The following RSPH10B2 variants were observed in gnomAD, a reference collection of about 807,000 sequenced individuals.
RSPH10B2 encodes radial spoke head 10 homolog B2 (Chlamydomonas).
RSPH10B2 carries 9 observed loss-of-function variants against 49.0 expected under a neutral mutation model. That is an observed-to-expected ratio of 0.18 (90% CI 0.11 to 0.32). The LOEUF (loss-of-function observed/expected upper bound fraction) is 0.32. Ranked by LOEUF, RSPH10B2 falls within the 10% of genes least tolerant of loss-of-function variation. RSPH10B2 has a pLI of 1.00. For synonymous variants in RSPH10B2, 35 were observed against 210.2 expected (o/e 0.17, Z 7.21); for missense variants, 95 against 589.9 (o/e 0.16, Z 8.69).
intron 17 of RSPH10B2, among the ~76,000 whole-genome samples, chr7:6,793,620 C>T (rs1782434129): frequency 7.6e-6 from 1 of 131,312 alleles, no homozygotes; most frequent in Non-Finnish European, 1.6e-5. Flanking sequence ...CCGAGGCAGG[C>T]AGATCACAAG....
At chr7:6,782,142 A>G (rs1781962358) in intron 13 of RSPH10B2, among the ~76,000 whole-genome samples, 1 of 123,460 alleles carries the variant, frequency 8.1e-6, no homozygotes, top group Non-Finnish European at 1.7e-5. Context: ...TTGACCTCCC[A>G]ACCCCAGGTG....
chr7:6,756,070 C>G (rs1425143608), upstream of RSPH10B2, among the ~76,000 whole-genome samples: 82 of 150,460 alleles, frequency 5.4e-4, 2 homozygotes, highest in Non-Finnish European at 8.0e-4. Flanking sequence ...AGATCGAGAC[C>G]ATCCTGGCTA....
exon 18 of RSPH10B2, chr7:6,796,593 T>G: frequency 8.3e-7 from 1 of 1,208,374 alleles, no homozygotes; most frequent in Non-Finnish European, 1.1e-6. Flanking sequence ...CCAAGGATGA[T>G]CGAGAGGAAG....
chr7:6,767,220 G>A (rs1309428798), intron 6 of RSPH10B2, among the ~76,000 whole-genome samples: 5 of 14,272 alleles, frequency 3.5e-4, no homozygotes, highest in Non-Finnish European at 7.2e-4. Flanking sequence ...AGTGATCCGC[G>A]CGCCTCAGCC....
intron 7 of RSPH10B2, among the ~76,000 whole-genome samples, chr7:6,769,701 G>A (rs1307799110): frequency 8.6e-6 from 1 of 116,266 alleles, no homozygotes; most frequent in Non-Finnish European, 1.8e-5. Flanking sequence ...TGATTCTTGT[G>A]CCTCAGCCAC....
At chr7:6,781,268 C>T in intron 12 of RSPH10B2, 60 bp from the exon 15 acceptor site, 1 of 1,301,900 alleles carries the variant, frequency 7.7e-7, no homozygotes, top group Non-Finnish European at 1.0e-6. Context: ...ATTATATTTA[C>T]TGCTATTTTT....
intron 10 of RSPH10B2, among the ~76,000 whole-genome samples, chr7:6,776,873 T>TCA (rs746541740): frequency 0.088 from 9,719 of 110,292 alleles, 261 homozygotes; most frequent in African/African-American, 0.11. Context: ...CGAGACTCCA[T>TCA]CACACACACA....
At chr7:6,761,520 C>CA (rs1378803042) in intron 3 of RSPH10B2, 1 of 146,174 alleles carries the variant, frequency 6.8e-6, no homozygotes, top group Non-Finnish European at 1.5e-5. Flanking sequence ...GCTCCCTTCC[C>CA]ACGCGACATC....
At chr7:6,786,293 CTGCCTCAGCCTCCCGAGTAGCTG>C (rs1408591296) in intron 14 of RSPH10B2, among the ~76,000 whole-genome samples, 2 of 98,264 alleles carry the variant, frequency 2.0e-5, no homozygotes, top group African/African-American at 8.8e-5. Context: ...CGCCATTCTC[CTGCCTCAGCCTCCCGAGTAGCTG>C]AGACTACAGG....
chr7:6,796,027 A>G (rs1362542460), intron 17 of RSPH10B2, among the ~76,000 whole-genome samples: 1 of 145,084 alleles, frequency 6.9e-6, no homozygotes, highest in African/African-American at 2.5e-5. Context: ...TAAGATAGAA[A>G]AAAAAGAGGT....
At chr7:6,795,432 A>T (rs2115086158) in intron 17 of RSPH10B2, among the ~76,000 whole-genome samples, 1 of 42,580 alleles carries the variant, frequency 2.3e-5, no homozygotes, top group East Asian at 3.9e-4. Flanking sequence ...CCTTGTCTCT[A>T]AAGGGGTTTC....
intron 10 of RSPH10B2, among the ~76,000 whole-genome samples, chr7:6,776,926 CAA>C (rs1781767860): frequency 3.6e-4 from 43 of 120,432 alleles, no homozygotes; most frequent in South Asian, 2.8e-3. Context: ...CACACACACA[CAA>C]AAGGCAGGGG....
intron 13 of RSPH10B2, among the ~76,000 whole-genome samples, chr7:6,783,513 C>T (rs1013995460): frequency 7.5e-6 from 1 of 133,478 alleles, no homozygotes; most frequent in Non-Finnish European, 1.6e-5. Flanking sequence ...CACTCTGTCA[C>T]CCAGGCTGGA....
chr7:6,782,746 G>A (rs1781990039), intron 13 of RSPH10B2, among the ~76,000 whole-genome samples: 1 of 116,772 alleles, frequency 8.6e-6, no homozygotes, highest in Admixed American at 9.6e-5. Flanking sequence ...AGCCAGGCAT[G>A]GTGGCCAGAG....
At chr7:6,758,679 T>C (rs1781165631) in intron 1 of RSPH10B2, among the ~76,000 whole-genome samples, 2 of 124,190 alleles carry the variant, frequency 1.6e-5, no homozygotes, top group African/African-American at 6.2e-5. Context: ...ACTCCATCTC[T>C]ACTAAAAACA....
chr7:6,783,674 T>C (rs1782027074), intron 13 of RSPH10B2, among the ~76,000 whole-genome samples: 2 of 151,194 alleles, frequency 1.3e-5, no homozygotes, highest in Admixed American at 6.6e-5. Flanking sequence ...GTTATTGCCA[T>C]GTTGCCCAGG....
At chr7:6,782,907 A>G (rs2115458172) in intron 13 of RSPH10B2, among the ~76,000 whole-genome samples, 1 of 124,512 alleles carries the variant, frequency 8.0e-6, no homozygotes, top group African/African-American at 3.1e-5. Context: ...GGAAGTGGGG[A>G]GGATGGATAT....
At chr7:6,786,415 TG>T (rs1441193054) in intron 14 of RSPH10B2, among the ~76,000 whole-genome samples, 1 of 118,956 alleles carries the variant, frequency 8.4e-6, no homozygotes, top group Admixed American at 9.1e-5. Context: ...AGGATGGTCT[TG>T]ATCTCCTGAC....
intron 17 of RSPH10B2, chr7:6,794,100 G>C (rs1357246860): frequency 6.5e-6 from 1 of 153,598 alleles, no homozygotes; most frequent in Non-Finnish European, 1.4e-5. Flanking sequence ...AGGCATCTTG[G>C]GGGGCTGTGT....
Sources: gnomAD v4.1 joint callset for allele counts (sites outside exome capture counted in the v4.1 genomes callset) on GRCh38, gnomAD v4.1.1 for gene constraint, MANE v1.5 for transcripts, NCBI Gene and HGNC (gene_info 2026-07-23, HGNC 2026-07-21) for gene names.